ZNF268: variants seen among roughly 807,000 people sequenced by gnomAD.
The protein encoded by ZNF268 is zinc finger protein 3.
ZNF268 carries 20 observed loss-of-function variants against 29.3 expected under a neutral mutation model. That is an observed-to-expected ratio of 0.68 (90% CI 0.48 to 0.99). The LOEUF (loss-of-function observed/expected upper bound fraction) is 0.99, where lower values mean the gene tolerates loss of function less well. ZNF268 is among the 50% of genes least tolerant of loss of function. ZNF268 has a pLI of 0.00. For synonymous variants in ZNF268, 429 were observed against 376.9 expected, an observed-to-expected ratio of 1.14 and a Z score of -1.60; for missense variants, 1,240 against 1,121.6, an observed-to-expected ratio of 1.11 and a Z score of -1.51.
intron 2 of ZNF268, among the ~76,000 whole-genome samples, chr12:133,187,214 C>G (rs989528121): frequency 6.6e-6 from 1 of 151,842 alleles, no homozygotes; most frequent in Admixed American, 6.6e-5. Flanking sequence ...CCTGTGCCGC[C>G]TTCTAGGTCG....
chr12:133,184,770 C>T (rs559863079), intron 2 of ZNF268: 36 of 435,442 alleles, frequency 8.3e-5, no homozygotes, highest in Non-Finnish European at 1.5e-4. Context: ...GTGCGCACCA[C>T]CATGCCCAGC....
At chr12:133,202,028 A>G (rs1956761685) in intron 5 of ZNF268, 116 bp from the exon 6 acceptor site, 3 of 835,124 alleles carry the variant, frequency 3.6e-6, no homozygotes, top group Admixed American at 3.4e-5. Context: ...ACTTTCTAGT[A>G]TACCACAATC....
At chr12:133,190,461 G>C (rs771848290) in intron 3 of ZNF268, among the ~76,000 whole-genome samples, 3 of 152,128 alleles carry the variant, frequency 2.0e-5, no homozygotes, top group Non-Finnish European at 2.9e-5. Context: ...TCCAGCATTT[G>C]GTGGTCAGTT....
In ZNF268 at chr12:133,206,011, TTCTTA is replaced by T. The variant is rs1281996198; in HGVS notation, c.*1482_*1486del. The T allele has an allele frequency of 6.6e-6, 1 of 152,248 alleles. No homozygotes were observed. Among genetic ancestry groups the T allele is most frequent in the Non-Finnish European group, 1.5e-5 (1 of 68,040 alleles). The allele number at this position is 152,248 out of a possible 1,614,324, so 9.4% of individuals were successfully genotyped here. A position where few individuals can be genotyped will look rare whatever the true frequency, so the allele number is the denominator to read the frequency against. On this transcript the variant is annotated 3_prime_UTR_variant, in exon 6 of 6. Coordinates refer to ENST00000536435, the MANE Select transcript of ZNF268 (RefSeq NM_003415.3). ...CAGAACAGCTTTTGTTACTGTCATT[TTCTTA>T]ACTTTGTTCACTTGTCTTTTATTTT... is the stretch of plus-strand genomic sequence containing the variant.
Position 133,214,372 on chromosome 12 carries a change from G to A in ZNF268, c.*9842G>A, listed in dbSNP as rs577627082. The A allele has an allele frequency of 1.3e-5, 2 of 152,206 alleles. No individual in the cohort carries two copies. The highest frequency in any genetic ancestry group is 2.1e-4 in the South Asian group (1 of 4,820). 9.4% of individuals were successfully genotyped at this position (152,206 alleles called of 1,614,324 possible). ...CTTGCTACAACGTGGAGGAACCTCA[G>A]AAACATTGTGCTGAGAACCCAGCAC... On this transcript the variant is annotated 3_prime_UTR_variant, in exon 6 of 6. Coordinates refer to ENST00000536435, the MANE Select transcript of ZNF268 (RefSeq NM_003415.3).
chr12:133,202,798 G>T lies in ZNF268; in HGVS notation c.1112G>T (p.Arg371Met), dbSNP rs1956787717. The T allele has an allele frequency of 1.2e-6, 2 of 1,608,174 alleles. No homozygotes were observed. Among genetic ancestry groups the T allele is most frequent in the East Asian group, 4.5e-5 (2 of 44,836 alleles). ...TGTGAATGTGGGAAAGTCTTCAGTAGGAAAGACCAGCTTGTTTCACACCAG... is the reference window on the plus strand; with the variant it reads ...TGTGAATGTGGGAAAGTCTTCAGTATGAAAGACCAGCTTGTTTCACACCAG... Reference protein sequence around the residue: ...ECCECGKVFSRKDQLVSHQKT... With the variant: ...ECCECGKVFSMKDQLVSHQKT... Residue 371 changes from arginine (R) to methionine (M), a missense_variant, in exon 6 of 6, where the codon AGG becomes ATG. By Grantham distance (91) the Arg-to-Met change is moderately conservative. Transcript: ENST00000536435.
In ZNF268 at chr12:133,203,821, TTATACA is replaced by T; in HGVS notation, c.2139_2144del (p.Ile713_His714del). ...GCCTTCAGGAGCAAGTCATACCTTATTATACATATGAGAACTCATACAGGAGAGAAA... is the reference window on the plus strand; with the variant it reads ...GCCTTCAGGAGCAAGTCATACCTTATTATGAGAACTCATACAGGAGAGAAA... On this transcript the variant is annotated inframe_deletion, in exon 6 of 6. Coordinates refer to ENST00000536435, the MANE Select transcript of ZNF268 (RefSeq NM_003415.3). 3 of 1,563,174 alleles carry T rather than the reference TTATACA, an allele frequency of 1.9e-6. No homozygotes were observed. The highest frequency in any genetic ancestry group is 8.6e-7 in the Non-Finnish European group (1 of 1,160,634).
Position 133,204,699 on chromosome 12 carries a change from A to G in ZNF268, c.*169A>G. The stretch of plus-strand genomic sequence containing the variant: ...AGGCATCCACAGAAAGCTGTTCTTT[A>G]CATGCAAAAAGATAGTAGACAATAC... On this transcript the variant is annotated 3_prime_UTR_variant, in exon 6 of 6. Coordinates refer to ENST00000536435, the MANE Select transcript of ZNF268 (RefSeq NM_003415.3). The G allele has an allele frequency of 1.9e-6, 1 of 534,630 alleles. No homozygotes were observed. The highest frequency in any genetic ancestry group is 1.9e-5 in the African/African-American group (1 of 51,582). 33.1% of individuals were successfully genotyped at this position (534,630 alleles called of 1,614,324 possible).
At position 133,211,776 on chromosome 12, in the gene ZNF268, A is replaced by G. The variant is rs1468012566; in HGVS notation, c.*7246A>G. 1 of 152,254 alleles carries G rather than the reference A, an allele frequency of 6.6e-6. No individual in the cohort carries two copies. The highest frequency in any genetic ancestry group is 2.4e-5 in the African/African-American group (1 of 41,462). The allele number at this position is 152,254 out of a possible 1,614,324, so 9.4% of individuals were successfully genotyped here. A position where few individuals can be genotyped will look rare whatever the true frequency, so the allele number is the denominator to read the frequency against. Reference sequence around the variant, plus strand: ...CTCTCATTCATTGCTGGTGCAATGCATAATAGTATAGCCACTTTGGAAGAT... The same window carrying G: ...CTCTCATTCATTGCTGGTGCAATGCGTAATAGTATAGCCACTTTGGAAGAT... On this transcript the variant is annotated 3_prime_UTR_variant, in exon 6 of 6. Transcript: ENST00000536435.
chr12:133,212,835 G>A lies in ZNF268; in HGVS notation c.*8305G>A, dbSNP rs1225569800. On this transcript the variant is annotated 3_prime_UTR_variant, in exon 6 of 6. Coordinates refer to ENST00000536435, the MANE Select transcript of ZNF268 (RefSeq NM_003415.3). ...CTCCTGGGTAGCTGGAACTACAGGT[G>A]CCACTACACCCAAATAGTTTTTTGG... 1 of 152,028 alleles carries A rather than the reference G, an allele frequency of 6.6e-6. No individual in the cohort carries two copies. The highest frequency in any genetic ancestry group is 1.5e-5 in the Non-Finnish European group (1 of 68,014). 9.4% of individuals were successfully genotyped at this position (152,028 alleles called of 1,614,324 possible). A position where few individuals can be genotyped will look rare whatever the true frequency, so the allele number is the denominator to read the frequency against.
Position 133,187,394 on chromosome 12 carries a change from G to A in ZNF268, c.34-478G>A, listed in dbSNP as rs537661879. Among the ~76,000 whole-genome samples, 228 of 150,972 alleles carry A rather than the reference G, an allele frequency of 1.5e-3. 2 individuals carry two copies. Among genetic ancestry groups the A allele is most frequent in the South Asian group, 3.3e-3 (16 of 4,794 alleles). On this transcript the variant is annotated intron_variant, in intron 2 of 5. Transcript: ENST00000536435. ...TATATATCTGTCCTTTCAAAGTTTC[G>A]TTTTTCTGATTTCTTTTACTTCATT...
In ZNF268 at chr12:133,213,837, A is replaced by C. The variant is rs1957020578; in HGVS notation, c.*9307A>C. 2 of 152,184 alleles carry C rather than the reference A, an allele frequency of 1.3e-5. No homozygotes were observed. Among genetic ancestry groups the C allele is most frequent in the Admixed American group, 1.3e-4 (2 of 15,278 alleles). 9.4% of individuals were successfully genotyped at this position (152,184 alleles called of 1,614,324 possible). ...ATGTGGTGAAACCCTGTCTCTACAA[A>C]AAAATACAAAAAATTAGCCAGGCTG... On this transcript the variant is annotated 3_prime_UTR_variant, in exon 6 of 6. Transcript: ENST00000536435.
intron 2 of ZNF268, among the ~76,000 whole-genome samples, chr12:133,182,255 C>T (rs1160251091): frequency 6.6e-6 from 1 of 152,184 alleles, no homozygotes. Flanking sequence ...ACTTTGTACG[C>T]TGAACTTTGG....
At position 133,208,197 on chromosome 12, in the gene ZNF268, A is replaced by ACG. The variant is rs1956933155; in HGVS notation, c.*3667_*3668insCG. ...CCCTGTCTGTACAAAAACTTTTTAA[A>ACG]AAGATTAGCCAGGTGTGGTCAGGCG... On this transcript the variant is annotated 3_prime_UTR_variant, in exon 6 of 6. Coordinates refer to ENST00000536435, the MANE Select transcript of ZNF268 (RefSeq NM_003415.3). 6.6e-6 allele frequency: 1 copy of ACG among 152,064 alleles called. No individual in the cohort carries two copies. Among genetic ancestry groups the ACG allele is most frequent in the Non-Finnish European group, 1.5e-5 (1 of 68,012 alleles). 9.4% of individuals were successfully genotyped at this position (152,064 alleles called of 1,614,324 possible).
intron 5 of ZNF268, among the ~76,000 whole-genome samples, chr12:133,196,319 TAAAAAA>T (rs58218652): frequency 8.2e-4 from 83 of 100,948 alleles, no homozygotes; most frequent in Non-Finnish European, 7.8e-4. Context: ...AGACTCCATC[TAAAAAA>T]AAAAAAAAAA....
chr12:133,203,793 A>G lies in ZNF268; in HGVS notation c.2107A>G (p.Lys703Glu). ...VKPYGCSECG[K>E]AFRSKSYLII... is the part of the protein sequence containing the mutation. ...ACCATATGGATGCAGTGAGTGTGGGAAAGCCTTCAGGAGCAAGTCATACCT... is the reference window on the plus strand; with the variant it reads ...ACCATATGGATGCAGTGAGTGTGGGGAAGCCTTCAGGAGCAAGTCATACCT... The change falls in exon 6 of 6, where the codon AAA becomes GAA. Residue 703 changes from lysine (K) to glutamate (E), a missense_variant. This residue lies in a region of ZNF268 where 1,177 missense variants were observed against 1,039.6 expected (regional missense o/e 1.13). Transcript: ENST00000536435. 1 of 1,565,030 alleles carries G rather than the reference A, an allele frequency of 6.4e-7. No homozygotes were observed. The highest frequency in any genetic ancestry group is 8.6e-7 in the Non-Finnish European group (1 of 1,161,776).
chr12:133,181,821 C>T (rs1956183673), intron 1 of ZNF268, 125 bp from the exon 2 acceptor site: 3 of 657,896 alleles, frequency 4.6e-6, no homozygotes, highest in African/African-American at 3.6e-5. Context: ...TGGTGAATCC[C>T]GTGCTGTGGG....
intron 5 of ZNF268, among the ~76,000 whole-genome samples, chr12:133,192,965 A>T (rs886341644): frequency 1.3e-5 from 2 of 152,116 alleles, no homozygotes; most frequent in African/African-American, 4.8e-5. Context: ...GGCCTTGCTA[A>T]TGGCTTTAAC....
At chr12:133,199,000 C>T (rs1263198828) in intron 5 of ZNF268, among the ~76,000 whole-genome samples, 16 of 143,486 alleles carry the variant, frequency 1.1e-4, no homozygotes, top group African/African-American at 2.9e-4. Context: ...ATTTGACTTC[C>T]TCTTTTCCTA....
Sources: allele counts gnomAD v4.1 joint callset (sites outside exome capture counted in the v4.1 genomes callset), GRCh38; gene constraint gnomAD v4.1.1; regional missense constraint gnomAD v4.1.1; transcripts MANE v1.5; gene names NCBI Gene and HGNC (gene_info 2026-07-23, HGNC 2026-07-21).